Variants in DMD observed in about 807,000 individuals in gnomAD.
The protein encoded by DMD is mutant dystrophin.
Under a neutral mutation model 330.1 loss-of-function variants are expected in DMD, and 63 were observed. The ratio of observed to expected loss-of-function variants is 0.19; its 90% CI spans 0.16 to 0.24. DMD has a LOEUF of 0.24. Ranked by LOEUF, DMD falls within the 10% of genes least tolerant of loss-of-function variation. The probability of loss-of-function intolerance (pLI) is 1.00; values close to 1 mark genes in which losing one functional copy is unlikely to be tolerated. For synonymous variants in DMD, 1,223 were observed against 959.8 expected (o/e 1.27, Z -5.07); for missense variants, 3,344 against 2,684.1 (o/e 1.25, Z -5.43).
intron 52 of DMD, among the ~76,000 whole-genome samples, chrX:31,693,313 A>G (rs2083240031): frequency 8.9e-6 from 1 of 111,906 alleles, no homozygotes; most frequent in African/African-American, 3.2e-5. Flanking sequence ...CCCACAGCTA[A>G]CATCATGCAC....
rs1179276484 is a variant in DMD at position 32,095,199 on chromosome X, G to A, written c.6438+121717C>T. On this transcript the variant is annotated intron_variant, in intron 44 of 78. Transcript: ENST00000357033. Reference sequence around the variant, plus strand: ...TAGGGCCCTGTCTTTTTGAATCATCGTCCACTGCCTCGAGCTACTTCCATT... The same window carrying A: ...TAGGGCCCTGTCTTTTTGAATCATCATCCACTGCCTCGAGCTACTTCCATT... 2.7e-5 allele frequency among the ~76,000 whole-genome samples: 3 copies of A among 111,196 alleles called. No individual in the cohort carries two copies. The East Asian group carries it at 8.5e-4, about 32-fold the overall frequency.
chrX:32,427,824 T>A (rs980433017), intron 29 of DMD, among the ~76,000 whole-genome samples: 1 of 111,404 alleles, frequency 9.0e-6, no homozygotes, highest in African/African-American at 3.3e-5. Flanking sequence ...AGGCTTTCTA[T>A]ATCCCCTTCC....
intron 62 of DMD, among the ~76,000 whole-genome samples, chrX:31,317,138 T>C (rs760092624): frequency 2.7e-5 from 3 of 111,720 alleles, no homozygotes; most frequent in South Asian, 3.8e-4. Context: ...AAATGACCTA[T>C]GATATCATGT....
At chrX:32,809,160 C>A (rs1184349655) in intron 7 of DMD, among the ~76,000 whole-genome samples, 2 of 111,520 alleles carry the variant, frequency 1.8e-5, no homozygotes, top group Admixed American at 1.9e-4. Context: ...TCTATCAAAT[C>A]TCTTGGTAGC....
intron 2 of DMD, among the ~76,000 whole-genome samples, chrX:32,958,243 A>G (rs2091707306): frequency 8.9e-6 from 1 of 111,982 alleles, no homozygotes; most frequent in Non-Finnish European, 1.9e-5. Flanking sequence ...AACAAAGTGT[A>G]TTAAAAATAG....
At chrX:32,465,586 T>G (rs1265408726) in intron 23 of DMD, among the ~76,000 whole-genome samples, 2 of 74,525 alleles carry the variant, frequency 2.7e-5, no homozygotes, top group Non-Finnish European at 5.0e-5. Flanking sequence ...TTTTTTGTTT[T>G]TTTTTTTTTT....
intron 2 of DMD, among the ~76,000 whole-genome samples, chrX:32,936,061 C>A (rs6653892): frequency 0.033 from 3,553 of 109,284 alleles, 156 homozygotes; most frequent in African/African-American, 0.11. Context: ...TTCACACACA[C>A]AAAAAAAACT....
chrX:33,083,793 T>C lies in DMD; in HGVS notation c.32-63593A>G, dbSNP rs185125766. Among the ~76,000 whole-genome samples the C allele has an allele frequency of 1.7e-3, 185 of 111,322 alleles. 3 individuals are homozygous for C. The highest frequency in any genetic ancestry group is 2.8e-3 in the Non-Finnish European group (150 of 53,020). On this transcript the variant is annotated intron_variant, in intron 1 of 78. Coordinates refer to ENST00000357033, the MANE Select transcript of DMD (RefSeq NM_004006.3). ...GAGAAGTCTCCCAAACCAGTAGTCT[T>C]CCTACTAGTTAGAAAGAGCGAACTG...
chrX:32,868,559 T>G (rs1200592885), intron 2 of DMD, among the ~76,000 whole-genome samples: 2 of 112,157 alleles, frequency 1.8e-5, no homozygotes, highest in African/African-American at 6.5e-5. Flanking sequence ...ATTTTTCCCC[T>G]TCAGGTTTGA....
chrX:31,616,145 T>C (rs1311090066), intron 55 of DMD, among the ~76,000 whole-genome samples: 2 of 111,649 alleles, frequency 1.8e-5, no homozygotes, highest in East Asian at 2.8e-4. Context: ...TATGAAACAC[T>C]ATCCACCCCA....
intron 54 of DMD, among the ~76,000 whole-genome samples, chrX:31,643,067 C>T (rs887582637): frequency 5.4e-5 from 6 of 111,802 alleles, no homozygotes; most frequent in South Asian, 7.4e-4. Flanking sequence ...TGACAGGAAA[C>T]GTGGTCTGAA....
chrX:32,730,896 T>G (rs1343108045), intron 7 of DMD, among the ~76,000 whole-genome samples: 2 of 111,502 alleles, frequency 1.8e-5, no homozygotes, highest in Non-Finnish European at 3.8e-5. Flanking sequence ...AAATCTGATT[T>G]GAGAGGAGGA....
intron 7 of DMD, among the ~76,000 whole-genome samples, chrX:32,704,155 T>C (rs1055892929): frequency 8.9e-6 from 1 of 111,766 alleles, no homozygotes; most frequent in African/African-American, 3.3e-5. Flanking sequence ...ATAAAGAAGT[T>C]GAACCTCATG....
intron 43 of DMD, among the ~76,000 whole-genome samples, chrX:32,233,065 C>A (rs979471350): frequency 8.9e-6 from 1 of 111,962 alleles, no homozygotes; most frequent in Non-Finnish European, 1.9e-5. Context: ...ATTTATTGAG[C>A]GCTTAGTCCT....
In DMD at chrX:33,239,024, A is replaced by AG. The variant is rs1299363636; in HGVS notation, c.7+100234dup. On this transcript the variant is annotated intron_variant, in intron 1 of 17. Transcript: ENST00000288447. ...GTAATCCCAGAACTTTGGGAGGCTG[A>AG]GGGGGTTAGATCACTTGAGGTCAGG... Among the ~76,000 whole-genome samples the AG allele has an allele frequency of 1.1e-4, 12 of 109,804 alleles. No homozygotes were observed. In the East Asian group the frequency reaches 2.0e-3, roughly 18 times the overall value.
chrX:31,989,800 C>CT (rs1328094145), intron 44 of DMD, among the ~76,000 whole-genome samples: 1 of 110,859 alleles, frequency 9.0e-6, no homozygotes, highest in Non-Finnish European at 1.9e-5. Context: ...TACTGATTTC[C>CT]TTTTTTTAAT....
chrX:32,127,571 C>T (rs1436797196), intron 44 of DMD, among the ~76,000 whole-genome samples: 1 of 111,483 alleles, frequency 9.0e-6, no homozygotes. Context: ...AACCAAGTCG[C>T]CTCTGCACAA....
intron 4 of DMD, among the ~76,000 whole-genome samples, chrX:32,834,931 G>C (rs2079480425): frequency 1.8e-5 from 2 of 111,329 alleles, no homozygotes; most frequent in Middle Eastern, 4.2e-3. Flanking sequence ...GAGGACACAA[G>C]CTTGGAGAAA....
chrX:31,836,864 C>G (rs753089376), intron 48 of DMD, 45 bp from the exon 49 acceptor site: 1 of 1,055,045 alleles, frequency 9.5e-7, no homozygotes, highest in South Asian at 1.9e-5. Flanking sequence ...TCACAGTTAG[C>G]AATAAAATTA....
Sources: allele counts gnomAD v4.1 joint callset (sites outside exome capture counted in the v4.1 genomes callset), GRCh38; gene constraint gnomAD v4.1.1; transcripts MANE v1.5; gene names NCBI Gene and HGNC (gene_info 2026-07-23, HGNC 2026-07-21).